The following PSMD14 variants were observed in gnomAD, a reference collection of about 807,000 sequenced individuals.
The protein encoded by PSMD14 is ubiquitin C-terminal hydrolase PSMD14.
PSMD14 carries 7 observed loss-of-function variants against 41.2 expected under a neutral mutation model. That is an observed-to-expected ratio of 0.17 (90% CI 0.10 to 0.32). The LOEUF (loss-of-function observed/expected upper bound fraction) is 0.32. PSMD14 is among the 10% of genes least tolerant of loss of function. The probability of loss-of-function intolerance (pLI) is 1.00; values close to 1 mark genes in which losing one functional copy is unlikely to be tolerated. For missense variants in PSMD14, 139 were observed against 375.6 expected (o/e 0.37, Z 5.21); for synonymous variants, 114 against 122.3 (o/e 0.93, Z 0.45).
intron 11 of PSMD14, 80 bp downstream of exon 11, chr2:161,408,979 A>C: frequency 1.7e-6 from 2 of 1,179,260 alleles, no homozygotes; most frequent in Non-Finnish European, 2.4e-6. Context: ...GGGCCTATAT[A>C]ATTTTTTTCC....
At chr2:161,373,199 A>AC (rs753410102) in intron 7 of PSMD14, among the ~76,000 whole-genome samples, 16 of 151,826 alleles carry the variant, frequency 1.1e-4, no homozygotes, top group Non-Finnish European at 2.2e-4. Flanking sequence ...TGTATGTGTC[A>AC]CGTCTTAATG....
At chr2:161,316,135 C>A (rs917444413) in intron 1 of PSMD14, among the ~76,000 whole-genome samples, 1 of 152,160 alleles carries the variant, frequency 6.6e-6, no homozygotes, top group Non-Finnish European at 1.5e-5. Context: ...TGAGCCACTG[C>A]GCCCAGCCTG....
intron 1 of PSMD14, among the ~76,000 whole-genome samples, chr2:161,315,034 G>A (rs1689132110): frequency 6.6e-6 from 1 of 152,146 alleles, no homozygotes; most frequent in South Asian, 2.1e-4. Context: ...TTAATCTAGG[G>A]TATTATCATC....
Position 161,360,283 on chromosome 2 carries a change from C to A in PSMD14, c.49-7195C>A, listed in dbSNP as rs565293664. ...TGACTCACTGCAGCCTTGACCTGGG[C>A]TCAAGTGATCCTCCCACCTCAGCCA... On this transcript the variant is annotated intron_variant, in intron 3 of 11. Transcript: ENST00000409682. 2.0e-5 allele frequency among the ~76,000 whole-genome samples: 3 copies of A among 150,100 alleles called. No homozygotes were observed. In the East Asian group the frequency reaches 5.9e-4, roughly 29 times the overall value.
At chr2:161,371,354 C>T in intron 7 of PSMD14, 32 bp downstream of exon 7, 1 of 1,576,152 alleles carries the variant, frequency 6.3e-7, no homozygotes, top group Non-Finnish European at 8.6e-7. Context: ...TTGCCATCTA[C>T]TGCCACATTC....
chr2:161,370,104 C>A lies in PSMD14; in HGVS notation c.241-3C>A. On this transcript the variant is annotated splice_polypyrimidine_tract_variant and splice_region_variant and intron_variant, in intron 5 of 11. Transcript: ENST00000409682. ...TAATAATTTTTCTTTCTTTCTAAAT[C>A]AGGGTGTCAGTGTGGAGGCAGTTGA... is the stretch of plus-strand genomic sequence containing the variant. 6.4e-7 allele frequency: 1 copy of A among 1,563,268 alleles called. No individual in the cohort carries two copies. The highest frequency in any genetic ancestry group is 1.2e-5 in the South Asian group (1 of 82,142).
At chr2:161,325,125 C>CA (rs1179053218) in intron 3 of PSMD14, among the ~76,000 whole-genome samples, 1 of 151,996 alleles carries the variant, frequency 6.6e-6, no homozygotes, top group Non-Finnish European at 1.5e-5. Flanking sequence ...ATGTGTAGGC[C>CA]AAACTAAGGA....
At chr2:161,348,189 A>G (rs1276112391) in intron 3 of PSMD14, among the ~76,000 whole-genome samples, 2 of 152,176 alleles carry the variant, frequency 1.3e-5, no homozygotes, top group Non-Finnish European at 2.9e-5. Flanking sequence ...TTCCCTAGAG[A>G]ACGTCTCCCA....
At chr2:161,324,220 G>C (rs1004329211) in intron 3 of PSMD14, among the ~76,000 whole-genome samples, 1 of 152,144 alleles carries the variant, frequency 6.6e-6, no homozygotes, top group South Asian at 2.1e-4. Context: ...ATTCCAAGAC[G>C]AACAAGAATA....
At chr2:161,384,343 T>A (rs1428796811) in intron 7 of PSMD14, 1 of 151,674 alleles carries the variant, frequency 6.6e-6, no homozygotes, top group African/African-American at 2.4e-5. Flanking sequence ...TCTTTAAATC[T>A]TGTTCTTTAG....
At chr2:161,395,298 T>C (rs892495812) in intron 10 of PSMD14, 95 bp downstream of exon 10, 2 of 1,163,922 alleles carry the variant, frequency 1.7e-6, no homozygotes, top group African/African-American at 1.6e-5. Flanking sequence ...TAGAGAATCC[T>C]GTTTTGTAAA....
chr2:161,357,948 A>G (rs1337374175), intron 3 of PSMD14, among the ~76,000 whole-genome samples: 2 of 151,932 alleles, frequency 1.3e-5, no homozygotes, highest in African/African-American at 4.8e-5. Context: ...TAAGGTCAAC[A>G]AAGTTAACTT....
chr2:161,375,835 G>T (rs1159839572), intron 7 of PSMD14, among the ~76,000 whole-genome samples: 1 of 151,686 alleles, frequency 6.6e-6, no homozygotes, highest in African/African-American at 2.4e-5. Context: ...AGTTTGAGAC[G>T]AGCCTGTGCG....
At chr2:161,407,660 C>T (rs560744948) in intron 10 of PSMD14, 6 of 152,018 alleles carry the variant, frequency 3.9e-5, no homozygotes, top group South Asian at 2.1e-4. Context: ...GTTCATTGTT[C>T]GCACATGAAG....
At chr2:161,395,043 G>T in intron 9 of PSMD14, 35 bp from the exon 10 acceptor site, 1 of 1,530,980 alleles carries the variant, frequency 6.5e-7, no homozygotes, top group Non-Finnish European at 8.8e-7. Flanking sequence ...TATCCTCAAG[G>T]CAGAAAAAGA....
At chr2:161,337,960 T>TA (rs1682892424) in intron 3 of PSMD14, among the ~76,000 whole-genome samples, 3 of 152,180 alleles carry the variant, frequency 2.0e-5, no homozygotes, top group Admixed American at 2.0e-4. Context: ...ACTTAATTGT[T>TA]ACAAGAATAA....
intron 3 of PSMD14, among the ~76,000 whole-genome samples, chr2:161,322,577 G>A (rs1426183756): frequency 7.9e-5 from 12 of 151,932 alleles, no homozygotes; most frequent in African/African-American, 1.9e-4. Context: ...TTTAGTAGAG[G>A]TGGGGTTTCA....
At chr2:161,399,902 A>G (rs1237559076) in intron 10 of PSMD14, among the ~76,000 whole-genome samples, 1 of 152,162 alleles carries the variant, frequency 6.6e-6, no homozygotes, top group East Asian at 1.9e-4. Flanking sequence ...AATATCTACA[A>G]CCTGCTGTTA....
intron 3 of PSMD14, among the ~76,000 whole-genome samples, chr2:161,337,309 G>T (rs960588069): frequency 6.6e-6 from 1 of 151,992 alleles, no homozygotes; most frequent in South Asian, 2.1e-4. Flanking sequence ...CTCTTTTTTG[G>T]TATCAGTAAA....
Sources: allele counts gnomAD v4.1 joint callset (sites outside exome capture counted in the v4.1 genomes callset), GRCh38; gene constraint gnomAD v4.1.1; transcripts MANE v1.5; gene names NCBI Gene and HGNC (gene_info 2026-07-23, HGNC 2026-07-21).